Variants in TYW5 observed in about 807,000 individuals in gnomAD.
TYW5 encodes the protein tRNA-yW synthesizing protein 5, also known as tRNA wybutosine-synthesizing protein 5.
A neutral mutation model predicts 44.4 loss-of-function variants in TYW5; 36 were observed. The observed-to-expected ratio is 0.81, with a 90% CI of 0.62 to 1.07. The LOEUF (loss-of-function observed/expected upper bound fraction) is 1.07, where lower values mean the gene tolerates loss of function less well. Among genes scored for constraint, TYW5 ranks in the 50% least tolerant of loss-of-function variants. The probability of loss-of-function intolerance (pLI) is 0.00; values close to 1 mark genes in which losing one functional copy is unlikely to be tolerated. For missense variants in TYW5, 354 were observed against 365.7 expected (o/e 0.97, Z 0.26); for synonymous variants, 121 against 128.1 (o/e 0.94, Z 0.37).
chr2:199,940,438 A>T (rs1036734794), intron 3 of TYW5, among the ~76,000 whole-genome samples: 3 of 152,058 alleles, frequency 2.0e-5, no homozygotes, highest in African/African-American at 7.2e-5. Flanking sequence ...AGACTGCTTA[A>T]GTCCAAGAGC....
Position 199,935,879 on chromosome 2 carries a change from G to T in TYW5, c.691+52C>A. ...AAAAAAAATCACATGAAGGATGAGT[G>T]ACAGAGTACACATTTTATAAATAGC... On this transcript the variant is annotated intron_variant, in intron 7 of 7. Transcript: ENST00000354611. 3.5e-6 allele frequency: 4 copies of T among 1,155,962 alleles called. No homozygotes were observed. In the East Asian group the frequency reaches 9.5e-5, roughly 27 times the overall value. The allele number at this position is 1,155,962 out of a possible 1,614,324, so 71.6% of individuals were successfully genotyped here. A position where few individuals can be genotyped will look rare whatever the true frequency, so the allele number is the denominator to read the frequency against.
intron 1 of TYW5, 86 bp downstream of exon 1, chr2:199,955,307 T>C (rs1241852973): frequency 6.8e-7 from 1 of 1,477,508 alleles, no homozygotes; most frequent in East Asian, 2.5e-5. Context: ...ACCCTGGGTC[T>C]CTAAAAACCA....
Position 199,955,443 on chromosome 2 carries a change from G to T in TYW5, c.28C>A (p.Arg10=), listed in dbSNP as rs747786563. MAGQHLPVP[R]LEGVSREQFM... ...TGCTCCCGAGAAACGCCCTCCAGCC[G>T]GGGTACCGGGAGGTGCTGCCCGGCC... The change falls in exon 1 of 8, where the codon CGG becomes AGG. Residue 10 remains arginine (R), a synonymous_variant. Coordinates refer to ENST00000354611, the MANE Select transcript of TYW5 (RefSeq NM_001039693.3). 1.9e-6 allele frequency: 3 copies of T among 1,613,834 alleles called. No individual in the cohort carries two copies. Among genetic ancestry groups the T allele is most frequent in the Non-Finnish European group, 2.5e-6 (3 of 1,179,948 alleles).
chr2:199,955,332 G>C, intron 1 of TYW5, 61 bp downstream of exon 1: 1 of 1,575,390 alleles, frequency 6.3e-7, no homozygotes, highest in Admixed American at 1.8e-5. Flanking sequence ...CCAGCTGTCC[G>C]AAAGGTAAAG....
chr2:199,954,213 G>A (rs1227924302), intron 1 of TYW5, among the ~76,000 whole-genome samples: 1 of 151,518 alleles, frequency 6.6e-6, no homozygotes, highest in Non-Finnish European at 1.5e-5. Context: ...CAGATCCTCC[G>A]ACCTCAGCCT....
Position 199,935,929 on chromosome 2 carries a change from A to G in TYW5, c.691+2T>C, listed in dbSNP as rs764259954. The G allele has an allele frequency of 2.5e-6, 4 of 1,586,388 alleles. No homozygotes were observed. The South Asian group carries it at 4.5e-5, about 18-fold the overall frequency. On this transcript the variant is annotated splice_donor_variant, in intron 7 of 7. Coordinates refer to ENST00000354611, the MANE Select transcript of TYW5 (RefSeq NM_001039693.3). LOFTEE classifies it high-confidence loss of function. ...CACATTAGTGAGGTCTAGAAATCTTACCAGGAATGAATAATACATCACCAG... is the reference window on the plus strand; with the variant it reads ...CACATTAGTGAGGTCTAGAAATCTTGCCAGGAATGAATAATACATCACCAG...
intron 5 of TYW5, among the ~76,000 whole-genome samples, chr2:199,937,506 TAA>T (rs879407692): frequency 1.4e-5 from 2 of 138,838 alleles, no homozygotes; most frequent in African/African-American, 2.6e-5. Flanking sequence ...ATACTAAAAA[TAA>T]AAAAAAAAAA....
chr2:199,935,659 C>T (rs1016058593), intron 7 of TYW5, among the ~76,000 whole-genome samples: 1 of 146,384 alleles, frequency 6.8e-6, no homozygotes, highest in Non-Finnish European at 1.5e-5. Flanking sequence ...GACCTGTTAA[C>T]TTATAGGCCA....
At chr2:199,954,146 A>G (rs2077572916) in intron 1 of TYW5, among the ~76,000 whole-genome samples, 1 of 150,716 alleles carries the variant, frequency 6.6e-6, no homozygotes, top group African/African-American at 2.4e-5. Context: ...CCTCTCGCCC[A>G]TGCTGGAGCA....
chr2:199,947,444 A>T (rs1574806609), intron 2 of TYW5: 2 of 152,330 alleles, frequency 1.3e-5, no homozygotes, highest in Non-Finnish European at 2.9e-5. Flanking sequence ...ACTATTTCTT[A>T]TTTACTTTTA....
chr2:199,954,492 C>A (rs1428105876), intron 1 of TYW5, among the ~76,000 whole-genome samples: 2 of 152,022 alleles, frequency 1.3e-5, no homozygotes, highest in African/African-American at 2.4e-5. Context: ...AGTGCAGTGG[C>A]GCGATCTCGG....
At chr2:199,950,652 A>G (rs371147212) in intron 1 of TYW5, among the ~76,000 whole-genome samples, 27 of 151,044 alleles carry the variant, frequency 1.8e-4, no homozygotes, top group Admixed American at 1.1e-3. Flanking sequence ...GTGTGTGTGT[A>G]TGTGTGTGTG....
rs1022243248 is a variant in TYW5 at position 199,938,232 on chromosome 2, T to G, written c.486+701A>C. 3.3e-5 allele frequency among the ~76,000 whole-genome samples: 5 copies of G among 152,054 alleles called. No individual in the cohort carries two copies. The East Asian group carries it at 9.7e-4, about 29-fold the overall frequency. On this transcript the variant is annotated intron_variant, in intron 5 of 7. Coordinates refer to ENST00000354611, the MANE Select transcript of TYW5 (RefSeq NM_001039693.3). ...GGCACCCGCCACCATGCCCAGCTAA[T>G]TTTTTGTATTTTTAGTAGGTACGGG...
At chr2:199,935,531 C>A (rs555505359) in intron 7 of TYW5, among the ~76,000 whole-genome samples, 1 of 150,568 alleles carries the variant, frequency 6.6e-6, no homozygotes, top group Non-Finnish European at 1.5e-5. Flanking sequence ...TTATTTTTGT[C>A]GAGACGGGGT....
chr2:199,936,354 A>G lies in TYW5; in HGVS notation c.574+51T>C, dbSNP rs957951029. 5.5e-6 allele frequency: 8 copies of G among 1,461,776 alleles called. No homozygotes were observed. The Admixed American group carries it at 1.5e-4, about 28-fold the overall frequency. 90.6% of individuals were successfully genotyped at this position (1,461,776 alleles called of 1,614,324 possible). A position where few individuals can be genotyped will look rare whatever the true frequency, so the allele number is the denominator to read the frequency against. On this transcript the variant is annotated intron_variant, in intron 6 of 7. Transcript: ENST00000354611. ...TATAAGAATCAAGAGATTTCTCAAA[A>G]AGAGTAACTGAATAGACTTTTGAAA... is the stretch of plus-strand genomic sequence containing the variant.
chr2:199,938,895 T>A, intron 5 of TYW5, 38 bp downstream of exon 5: 2 of 1,552,250 alleles, frequency 1.3e-6, no homozygotes, highest in Non-Finnish European at 1.7e-6. Context: ...ATGCTAAAGA[T>A]CTATTGTAGC....
At chr2:199,948,186 A>C in intron 2 of TYW5, 132 bp downstream of exon 2, 1 of 814,150 alleles carries the variant, frequency 1.2e-6, no homozygotes. Flanking sequence ...AAAATCAGTA[A>C]GCTATTCCAT....
At chr2:199,940,062 G>T (rs747047345) in intron 4 of TYW5, 27 bp downstream of exon 4, 2 of 1,603,468 alleles carry the variant, frequency 1.2e-6, no homozygotes, top group South Asian at 1.1e-5. Flanking sequence ...AGATTTTAGG[G>T]AATTGTTTTA....
In TYW5 at chr2:199,939,192, A is replaced by ATCTC. The variant is rs751643465; in HGVS notation, c.349-126_349-123dup. The ATCTC allele has an allele frequency of 2.6e-5, 21 of 821,838 alleles. No homozygotes were observed. The East Asian group carries it at 5.3e-4, about 21-fold the overall frequency. 50.9% of individuals were successfully genotyped at this position (821,838 alleles called of 1,614,324 possible). ...TGATGTGACCATGTGCCAATACATG[A>ATCTC]TCTCTCTCTCTCTATCTTTCTCTCT... On this transcript the variant is annotated intron_variant, in intron 4 of 7. Transcript: ENST00000354611.
Sources: allele counts gnomAD v4.1 joint callset (sites outside exome capture counted in the v4.1 genomes callset), GRCh38; gene constraint gnomAD v4.1.1; transcripts MANE v1.5; gene names NCBI Gene and HGNC (gene_info 2026-07-23, HGNC 2026-07-21).